Variants in GABRD observed in about 807,000 individuals in gnomAD.
GABRD encodes the protein gamma-aminobutyric acid receptor subunit delta.
A neutral mutation model predicts 47.3 loss-of-function variants in GABRD; 25 were observed. The ratio of observed to expected loss-of-function variants is 0.53; its 90% CI spans 0.39 to 0.74. GABRD has a LOEUF of 0.74. Ranked by LOEUF, GABRD falls within the 30% of genes least tolerant of loss-of-function variation. The probability of loss-of-function intolerance (pLI) is 0.00; values close to 1 mark genes in which losing one functional copy is unlikely to be tolerated. For synonymous variants in GABRD, 314 were observed against 278.8 expected (o/e 1.13, Z -1.26); for missense variants, 497 against 643.4 (o/e 0.77, Z 2.46).
In GABRD at chr1:2,028,421, A is replaced by G; in HGVS notation, c.691+129A>G. The G allele has an allele frequency of 9.5e-7, 1 of 1,052,744 alleles. No homozygotes were observed. Among genetic ancestry groups the G allele is most frequent in the Non-Finnish European group, 1.2e-6 (1 of 810,458 alleles). 65.2% of individuals were successfully genotyped at this position (1,052,744 alleles called of 1,614,324 possible). The stretch of plus-strand genomic sequence containing the variant: ...CTGTGGTTTTCATGCTTTTTAGTCA[A>G]GCGCCCGCAGGCCCCCAGGGCCTCT... On this transcript the variant is annotated intron_variant, in intron 6 of 8. Coordinates refer to ENST00000378585, the MANE Select transcript of GABRD (RefSeq NM_000815.5). The surrounding 1 kb of genome is among the most constrained non-coding windows in gnomAD (Gnocchi z 6.4).
At chr1:2,027,722 G>A in intron 5 of GABRD, 63 bp downstream of exon 5, 5 of 1,447,496 alleles carry the variant, frequency 3.5e-6, no homozygotes, top group Non-Finnish European at 4.8e-6. Context: ...CAGACTGTCA[G>A]CCCGGGGCCT....
rs772295324 is a variant in GABRD at position 2,029,251 on chromosome 1, G to A, written c.832G>A (p.Ala278Thr). Residue 278 changes from alanine (A) to threonine (T), a missense_variant, in exon 7 of 9, where the codon GCC becomes ACC. Coordinates refer to ENST00000378585, the MANE Select transcript of GABRD (RefSeq NM_000815.5). ...SFWISQAAVP[A>T]RVSLGITTVL... ...CTGGATCAGCCAGGCGGCGGTGCCCGCCAGGGTGTCTCTAGGTACGGGGCC... is the reference window on the plus strand; with the variant it reads ...CTGGATCAGCCAGGCGGCGGTGCCCACCAGGGTGTCTCTAGGTACGGGGCC... 5.1e-6 allele frequency: 8 copies of A among 1,563,214 alleles called. No homozygotes were observed. The highest frequency in any genetic ancestry group is 4.1e-5 in the African/African-American group (3 of 73,568).
At position 2,030,103 on chromosome 1, in the gene GABRD, G is replaced by C; in HGVS notation, c.1180G>C (p.Val394Leu). Residue 394 changes from valine (V) to leucine (L), a missense_variant, in exon 9 of 9, where the codon GTG becomes CTG. Val to Leu is a conservative substitution (Grantham distance 32). Around this residue, in one of 3 missense-constraint regions of GABRD, gnomAD observed 121 missense variants for 121.3 expected, o/e 1.00. Coordinates refer to ENST00000378585, the MANE Select transcript of GABRD (RefSeq NM_000815.5). Reference protein sequence around the residue: ...PGNLMGSYRSVGVETGETKKE... With the variant: ...PGNLMGSYRSLGVETGETKKE... ...GAACCTGATGGGCTCCTACAGGTCG[G>C]TGGGGGTGGAGACAGGGGAGACGAA... The C allele has an allele frequency of 6.3e-7, 1 of 1,595,102 alleles. No homozygotes were observed.
chr1:2,025,466 G>T (rs371136891), intron 3 of GABRD, 52 bp from the exon 4 acceptor site: 1 of 1,610,870 alleles, frequency 6.2e-7, no homozygotes, highest in African/African-American at 1.3e-5. Flanking sequence ...TGGGCTGCAT[G>T]CCCCTGGGGG....
chr1:2,025,570 C>T lies in GABRD; in HGVS notation c.302C>T (p.Ser101Phe). ...LHQSWRDSRL[S>F]YNHTNETLGL... ...CAGAGCTGGCGGGACAGCAGGCTCT[C>T]CTACAACCACACCAACGAGACCCTG... The change falls in exon 4 of 9, where the codon TCC becomes TTC. Residue 101 changes from serine (S) to phenylalanine (F), a missense_variant. By Grantham distance (155) the Ser-to-Phe change is radical (BLOSUM62 -2). Coordinates refer to ENST00000378585, the MANE Select transcript of GABRD (RefSeq NM_000815.5). The T allele has an allele frequency of 6.2e-7, 1 of 1,613,070 alleles. No individual in the cohort carries two copies. The highest frequency in any genetic ancestry group is 8.5e-7 in the Non-Finnish European group (1 of 1,179,992).
At chr1:2,029,877 A>G in intron 8 of GABRD, 106 bp from the exon 9 acceptor site, 2 of 1,509,918 alleles carry the variant, frequency 1.3e-6, no homozygotes, top group Non-Finnish European at 1.8e-6. Context: ...GGGGGGCTGG[A>G]GCTGCTGGTC....
intron 4 of GABRD, 107 bp from the exon 5 acceptor site, chr1:2,027,470 T>A: frequency 1.2e-6 from 1 of 845,796 alleles, no homozygotes; most frequent in Non-Finnish European, 2.0e-6. Context: ...GAGAAGTAGC[T>A]GGGGCTCCAG....
At position 2,029,290 on chromosome 1, in the gene GABRD, G is replaced by A. The variant is rs1167577038; in HGVS notation, c.847+24G>A. ...AGGTACGGGGCCTCGCCGCTGCTCCGAGGGAGCTGGAAGGGCGGCCCTGGG... is the reference window on the plus strand; with the variant it reads ...AGGTACGGGGCCTCGCCGCTGCTCCAAGGGAGCTGGAAGGGCGGCCCTGGG... On this transcript the variant is annotated intron_variant, in intron 7 of 8. Transcript: ENST00000378585. The A allele has an allele frequency of 3.9e-6, 6 of 1,543,684 alleles. No homozygotes were observed. In the South Asian group the frequency reaches 4.8e-5, roughly 12 times the overall value.
At chr1:2,020,209 C>T (rs77863016) in intron 1 of GABRD, among the ~76,000 whole-genome samples, 1 of 152,246 alleles carries the variant, frequency 6.6e-6, no homozygotes, top group South Asian at 2.1e-4. Context: ...AGTGCCCCCC[C>T]ATCTCCTCTC....
chr1:2,029,881 G>T, intron 8 of GABRD, 102 bp from the exon 9 acceptor site: 1 of 1,517,382 alleles, frequency 6.6e-7, no homozygotes. Context: ...GGCTGGAGCT[G>T]CTGGTCCAGG....
chr1:2,025,258 G>C lies in GABRD; in HGVS notation c.182-76G>C, dbSNP rs1658887679. ...ATGATGGCCGACTGCCTGTGACTGG[G>C]ACCCCGGCAGGGTCCCATCGTGGCT... On this transcript the variant is annotated intron_variant, in intron 2 of 8. Coordinates refer to ENST00000378585, the MANE Select transcript of GABRD (RefSeq NM_000815.5). 2.2e-5 allele frequency: 34 copies of C among 1,556,952 alleles called. 1 individual carries two copies. The South Asian group carries it at 3.8e-4, about 17-fold the overall frequency.
intron 4 of GABRD, chr1:2,026,548 G>A (rs1057072586): frequency 2.0e-5 from 3 of 152,236 alleles, no homozygotes; most frequent in African/African-American, 4.8e-5. Flanking sequence ...AAATCAGGAG[G>A]CATGTGGCCG....
Position 2,029,270 on chromosome 1 carries a change from C to G in GABRD, c.847+4C>G, listed in dbSNP as rs370295640. On this transcript the variant is annotated splice_donor_region_variant and intron_variant, in intron 7 of 8. Transcript: ENST00000378585. ...GTGCCCGCCAGGGTGTCTCTAGGTA[C>G]GGGGCCTCGCCGCTGCTCCGAGGGA... 1 of 1,553,862 alleles carries G rather than the reference C, an allele frequency of 6.4e-7. No homozygotes were observed. Among genetic ancestry groups the G allele is most frequent in the Non-Finnish European group, 8.7e-7 (1 of 1,151,636 alleles).
rs1571030255 is a variant in GABRD, at chr1:2,027,712, C to T, written c.553+53C>T. On this transcript the variant is annotated intron_variant, in intron 5 of 8. Coordinates refer to ENST00000378585, the MANE Select transcript of GABRD (RefSeq NM_000815.5). ...GCTTCTCCAGCAGTGGATGGGGGCT[C>T]AGACTGTCAGCCCGGGGCCTGGACA... 2.0e-6 allele frequency: 3 copies of T among 1,490,026 alleles called. No individual in the cohort carries two copies. The East Asian group carries it at 6.9e-5, about 34-fold the overall frequency. 92.3% of individuals were successfully genotyped at this position (1,490,026 alleles called of 1,614,324 possible). A position where few individuals can be genotyped will look rare whatever the true frequency, so the allele number is the denominator to read the frequency against.
chr1:2,025,453 C>T, intron 3 of GABRD, 52 bp downstream of exon 3: 1 of 1,611,674 alleles, frequency 6.2e-7, no homozygotes, highest in Non-Finnish European at 8.5e-7. Flanking sequence ...ACAGCCTCTG[C>T]CCTGGGCTGC....
chr1:2,024,708 G>A (rs990557554), intron 1 of GABRD: 8 of 400,482 alleles, frequency 2.0e-5, no homozygotes, highest in Non-Finnish European at 3.6e-5. Flanking sequence ...CACTGAGGCC[G>A]GAGGAGGAAG....
chr1:2,029,919 G>T (rs886874954), intron 8 of GABRD, 64 bp from the exon 9 acceptor site: 23 of 1,591,002 alleles, frequency 1.4e-5, no homozygotes, highest in Non-Finnish European at 2.0e-5. Context: ...AACACCTGTG[G>T]TCCAGGGCCC....
intron 7 of GABRD, 100 bp from the exon 8 acceptor site, chr1:2,029,451 G>A (rs1659022452): frequency 1.6e-5 from 24 of 1,509,170 alleles, no homozygotes; most frequent in Non-Finnish European, 2.2e-5. Context: ...GCATGGGGGT[G>A]GGGGGCAGCG....
In GABRD at chr1:2,025,079, G is replaced by C. The variant is rs112537498; in HGVS notation, c.181+25G>C. The C allele has an allele frequency of 5.7e-4, 895 of 1,581,034 alleles. 4 individuals are homozygous for C. In the African/African-American group the frequency reaches 0.011, roughly 19 times the overall value. On this transcript the variant is annotated intron_variant, in intron 2 of 8. Coordinates refer to ENST00000378585, the MANE Select transcript of GABRD (RefSeq NM_000815.5). ...GGTGAGGGGCGGTCCAGGCCCGGCAGGCAGGAGCCGCTGGAGCCCAGGCTA... is the reference window on the plus strand; with the variant it reads ...GGTGAGGGGCGGTCCAGGCCCGGCACGCAGGAGCCGCTGGAGCCCAGGCTA...
Sources: gnomAD v4.1 joint callset for allele counts (sites outside exome capture counted in the v4.1 genomes callset) on GRCh38, gnomAD v4.1.1 for gene constraint, gnomAD v4.1.1 regional missense constraint, Gnocchi (gnomAD v3.1) non-coding constraint, MANE v1.5 for transcripts, NCBI Gene and HGNC (gene_info 2026-07-23, HGNC 2026-07-21) for gene names.